DCLK2: variants seen among roughly 807,000 people sequenced by gnomAD.
DCLK2 encodes serine/threonine-protein kinase DCLK2.
DCLK2 carries 31 observed loss-of-function variants against 78.4 expected under a neutral mutation model. The observed-to-expected ratio is 0.40, with a 90% CI of 0.30 to 0.53. The LOEUF is 0.53. DCLK2 is among the 20% of genes least tolerant of loss of function. The pLI is 0.61. For missense variants in DCLK2, 872 were observed against 973.7 expected, an observed-to-expected ratio of 0.90 and a Z score of 1.39; for synonymous variants, 407 against 374.9, an observed-to-expected ratio of 1.09 and a Z score of -0.99.
At chr4:150,228,010 C>T (rs1480074297) in intron 8 of DCLK2, among the ~76,000 whole-genome samples, 1 of 152,192 alleles carries the variant, frequency 6.6e-6, no homozygotes, top group East Asian at 1.9e-4. Context: ...CTGTTCCTTG[C>T]CTGCAAGCAT....
chr4:150,090,516 G>A (rs80181027), intron 1 of DCLK2, among the ~76,000 whole-genome samples: 1,797 of 99,166 alleles, frequency 0.018, 35 homozygotes, highest in African/African-American at 0.049. Context: ...CCATGTATGA[G>A]GAGCAAAAAA....
intron 13 of DCLK2, among the ~76,000 whole-genome samples, chr4:150,248,006 AAC>A (rs1212660942): frequency 6.6e-6 from 1 of 152,240 alleles, no homozygotes; most frequent in African/African-American, 2.4e-5. Flanking sequence ...GAACTTGTGA[AAC>A]ACACTGAATT....
chr4:150,116,685 T>C (rs546536004), intron 2 of DCLK2, among the ~76,000 whole-genome samples: 11 of 152,342 alleles, frequency 7.2e-5, no homozygotes, highest in South Asian at 4.1e-4. Context: ...CTAAGATTCC[T>C]TGGTTATAAA....
chr4:150,213,198 T>C (rs1227641199), intron 5 of DCLK2, among the ~76,000 whole-genome samples: 1 of 152,214 alleles, frequency 6.6e-6, no homozygotes, highest in Non-Finnish European at 1.5e-5. Flanking sequence ...AAAGCAGAAG[T>C]TGGGCTCCAC....
rs185700669 is a variant in DCLK2 at position 150,126,708 on chromosome 4, C to G, written c.756+23896C>G. ...TATATATGCCCTCCATCCAGCCTCC[C>G]GTAATGCTGATATCTTCTGTAAACA... On this transcript the variant is annotated intron_variant, in intron 2 of 15. Transcript: ENST00000296550. Among the ~76,000 whole-genome samples, 1,121 of 152,260 alleles carry G rather than the reference C, an allele frequency of 7.4e-3. 10 individuals carry two copies. The highest frequency in any genetic ancestry group is 0.041 in the Middle Eastern group (12 of 294).
At chr4:150,217,058 A>G (rs1021751547) in intron 5 of DCLK2, among the ~76,000 whole-genome samples, 12 of 152,252 alleles carry the variant, frequency 7.9e-5, no homozygotes, top group African/African-American at 2.9e-4. Flanking sequence ...ATTTTAAGAG[A>G]TTTTAATAGA....
chr4:150,247,500 A>G (rs758200462), intron 12 of DCLK2, 103 bp from the exon 13 acceptor site: 3 of 879,532 alleles, frequency 3.4e-6, no homozygotes, highest in Non-Finnish European at 5.4e-6. Context: ...GCCCAAGTCA[A>G]AGCCAGAGAC....
chr4:150,222,857 C>T (rs914908313), intron 7 of DCLK2, among the ~76,000 whole-genome samples: 8 of 149,448 alleles, frequency 5.4e-5, no homozygotes, highest in Non-Finnish European at 1.0e-4. Context: ...CAGACCAAGA[C>T]TGTGTCTCAA....
chr4:150,079,046 A>G lies in DCLK2; in HGVS notation c.19A>G (p.Ile7Val). 1 of 1,545,534 alleles carries G rather than the reference A, an allele frequency of 6.5e-7. No individual in the cohort carries two copies. Among genetic ancestry groups the G allele is most frequent in the South Asian group, 1.3e-5 (1 of 78,328 alleles). Residue 7 changes from isoleucine to valine, a missense_variant, in exon 1 of 16, where the codon ATC (isoleucine) becomes GTC (valine). Around this residue, in one of 3 missense-constraint regions of DCLK2, gnomAD observed 567 missense variants for 593.4 expected, o/e 0.96. Coordinates refer to ENST00000296550, the MANE Select transcript of DCLK2 (RefSeq NM_001040260.4). MASTRSIELEHFEERDK... is the reference protein window; with the variant it reads MASTRSVELEHFEERDK... Reference sequence around the variant, plus strand: ...AGCCGCGATGGCCAGCACCAGGAGTATCGAGCTGGAGCACTTTGAGGAACG... The same window carrying G: ...AGCCGCGATGGCCAGCACCAGGAGTGTCGAGCTGGAGCACTTTGAGGAACG...
chr4:150,180,191 CA>C (rs1737405482), intron 2 of DCLK2, among the ~76,000 whole-genome samples: 2 of 152,182 alleles, frequency 1.3e-5, no homozygotes, highest in African/African-American at 4.8e-5. Context: ...GTGTAAATCT[CA>C]GCTCCTCCCT....
chr4:150,252,288 T>G (rs933598760), intron 15 of DCLK2, among the ~76,000 whole-genome samples: 1 of 152,134 alleles, frequency 6.6e-6, no homozygotes, highest in Non-Finnish European at 1.5e-5. Flanking sequence ...AATAAAACAT[T>G]AAAAATTGGC....
At chr4:150,083,789 C>T (rs1166191648) in intron 1 of DCLK2, among the ~76,000 whole-genome samples, 2 of 152,152 alleles carry the variant, frequency 1.3e-5, no homozygotes, top group Non-Finnish European at 2.9e-5. Flanking sequence ...CGTTCTTTAC[C>T]TGTGAAACCC....
chr4:150,114,356 A>G (rs1347464117), intron 2 of DCLK2, among the ~76,000 whole-genome samples: 1 of 152,044 alleles, frequency 6.6e-6, no homozygotes. Context: ...GCGTTCTCCC[A>G]CTGTTGTTGT....
chr4:150,208,182 A>C (rs1739990578), intron 5 of DCLK2, among the ~76,000 whole-genome samples: 1 of 152,206 alleles, frequency 6.6e-6, no homozygotes, highest in African/African-American at 2.4e-5. Flanking sequence ...AGGGAAGCCC[A>C]AGGTTGGGCC....
intron 1 of DCLK2, among the ~76,000 whole-genome samples, chr4:150,099,373 C>G (rs986765956): frequency 6.6e-6 from 1 of 152,216 alleles, no homozygotes; most frequent in African/African-American, 2.4e-5. Flanking sequence ...GGATTAACAT[C>G]GAGAGTTGTA....
At chr4:150,207,073 A>G (rs993461315) in intron 5 of DCLK2, among the ~76,000 whole-genome samples, 2 of 152,146 alleles carry the variant, frequency 1.3e-5, no homozygotes, top group Admixed American at 6.5e-5. Context: ...TTAAGAGGGA[A>G]TGTCTGAGAA....
intron 2 of DCLK2, among the ~76,000 whole-genome samples, chr4:150,172,477 G>A (rs2150261525): frequency 6.6e-6 from 1 of 151,906 alleles, no homozygotes; most frequent in Middle Eastern, 3.4e-3. Flanking sequence ...CATCATGGCG[G>A]GCGCCTGTAG....
chr4:150,215,767 C>T (rs1196078097), intron 5 of DCLK2, among the ~76,000 whole-genome samples: 1 of 152,208 alleles, frequency 6.6e-6, no homozygotes, highest in Non-Finnish European at 1.5e-5. Context: ...CCCAGCAAAG[C>T]CGGTTTGTTC....
At chr4:150,244,328 G>A (rs1743145923) in intron 12 of DCLK2, among the ~76,000 whole-genome samples, 2 of 152,038 alleles carry the variant, frequency 1.3e-5, no homozygotes, top group South Asian at 4.2e-4. Flanking sequence ...TGTTGTCTAA[G>A]CAAGTCTGCT....
Sources: gnomAD v4.1 joint callset for allele counts (sites outside exome capture counted in the v4.1 genomes callset) on GRCh38, gnomAD v4.1.1 for gene constraint, gnomAD v4.1.1 regional missense constraint, MANE v1.5 for transcripts, NCBI Gene and HGNC (gene_info 2026-07-23, HGNC 2026-07-21) for gene names.